ATP8A2: variants seen among roughly 807,000 people sequenced by gnomAD.
The protein encoded by ATP8A2 is ATPase phospholipid transporting 8A2.
ATP8A2 carries 100 observed loss-of-function variants against 165.6 expected under a neutral mutation model. The observed-to-expected ratio is 0.60, with a 90% CI of 0.51 to 0.71. ATP8A2 has a LOEUF of 0.71. ATP8A2 is among the 30% of genes least tolerant of loss of function. The probability of loss-of-function intolerance (pLI) is 0.00; values close to 1 mark genes in which losing one functional copy is unlikely to be tolerated. For missense variants in ATP8A2, 1,227 were observed against 1,479.5 expected, an observed-to-expected ratio of 0.83 and a Z score of 2.80; for synonymous variants, 543 against 548.8, an observed-to-expected ratio of 0.99 and a Z score of 0.15.
intron 2 of ATP8A2, among the ~76,000 whole-genome samples, chr13:25,471,226 T>A (rs1349839862): frequency 6.6e-6 from 1 of 152,232 alleles, no homozygotes. Flanking sequence ...TTTCAAGATG[T>A]ATTTTTGCTT....
chr13:25,830,729 T>C (rs1337112287), intron 28 of ATP8A2, among the ~76,000 whole-genome samples: 1 of 152,238 alleles, frequency 6.6e-6, no homozygotes, highest in African/African-American at 2.4e-5. Flanking sequence ...ACCAATTGCA[T>C]TCTCTTTCTC....
At chr13:25,759,963 C>G (rs1049949969) in intron 25 of ATP8A2, among the ~76,000 whole-genome samples, 2 of 152,168 alleles carry the variant, frequency 1.3e-5, no homozygotes, top group African/African-American at 4.8e-5. Flanking sequence ...ATAAAATTGT[C>G]ACAGACGCAA....
chr13:25,482,340 T>C (rs1289193029), intron 2 of ATP8A2, among the ~76,000 whole-genome samples: 1 of 152,138 alleles, frequency 6.6e-6, no homozygotes, highest in African/African-American at 2.4e-5. Flanking sequence ...AGCATTGCAG[T>C]CCCTCTCTGT....
intron 33 of ATP8A2, among the ~76,000 whole-genome samples, chr13:25,939,058 G>T (rs9511981): frequency 0.17 from 25,231 of 152,036 alleles, 2,475 homozygotes; most frequent in Non-Finnish European, 0.22. Flanking sequence ...GGCCAAGCTG[G>T]TCTTGAACTC....
intron 2 of ATP8A2, among the ~76,000 whole-genome samples, chr13:25,521,500 C>T (rs2037670524): frequency 6.6e-6 from 1 of 152,108 alleles, no homozygotes; most frequent in Non-Finnish European, 1.5e-5. Context: ...TAGTAATTCT[C>T]AGTTTCAGGT....
chr13:25,972,840 C>A (rs1955945694), intron 35 of ATP8A2, among the ~76,000 whole-genome samples: 1 of 151,882 alleles, frequency 6.6e-6, no homozygotes, highest in Admixed American at 6.6e-5. Context: ...CCGATGACGG[C>A]GTGTAAGATG....
At chr13:25,553,196 T>C (rs2038876919) in intron 11 of ATP8A2, among the ~76,000 whole-genome samples, 1 of 142,878 alleles carries the variant, frequency 7.0e-6, no homozygotes, top group African/African-American at 2.6e-5. Flanking sequence ...CCCCTCTCCC[T>C]CCCCCATTCT....
chr13:25,609,928 G>T (rs1444606757), intron 24 of ATP8A2, among the ~76,000 whole-genome samples: 1 of 151,614 alleles, frequency 6.6e-6, no homozygotes, highest in Non-Finnish European at 1.5e-5. Flanking sequence ...TTTGAGAATT[G>T]TCTATCCATG....
intron 28 of ATP8A2, among the ~76,000 whole-genome samples, chr13:25,831,216 CT>C (rs71759758): frequency 1.6e-3 from 211 of 133,436 alleles, no homozygotes; most frequent in African/African-American, 3.5e-3. Context: ...AACTAATTTT[CT>C]TTTTTTTTTT....
intron 25 of ATP8A2, among the ~76,000 whole-genome samples, chr13:25,733,751 G>A (rs1269047224): frequency 6.6e-6 from 1 of 152,096 alleles, no homozygotes; most frequent in Non-Finnish European, 1.5e-5. Context: ...GTCATTCATG[G>A]TCTCAAGAAG....
chr13:25,523,272 CTTT>C (rs71077476), intron 2 of ATP8A2, among the ~76,000 whole-genome samples: 10 of 135,712 alleles, frequency 7.4e-5, no homozygotes, highest in East Asian at 2.1e-4. Flanking sequence ...TTTAGGATAA[CTTT>C]TTTTTTTTTT....
chr13:25,405,160 T>A (rs187412395), intron 1 of ATP8A2, among the ~76,000 whole-genome samples: 7 of 152,112 alleles, frequency 4.6e-5, no homozygotes, highest in African/African-American at 1.7e-4. Context: ...TGAGAGCAGC[T>A]CCCTGGAAGG....
In ATP8A2 at chr13:25,372,156, C is replaced by T. The variant is rs974618447; in HGVS notation, c.-57C>T. 3 of 1,288,100 alleles carry T rather than the reference C, an allele frequency of 2.3e-6. No individual in the cohort carries two copies. Among genetic ancestry groups the T allele is most frequent in the South Asian group, 1.8e-5 (1 of 57,058 alleles). The allele number at this position is 1,288,100 out of a possible 1,614,324, so 79.8% of individuals were successfully genotyped here. A position where few individuals can be genotyped will look rare whatever the true frequency, so the allele number is the denominator to read the frequency against. On this transcript the variant is annotated 5_prime_UTR_variant, in exon 1 of 37. Coordinates refer to ENST00000381655, the MANE Select transcript of ATP8A2 (RefSeq NM_016529.6). This position sits in a 1 kb window ranked among gnomAD's most constrained non-coding sequence, Gnocchi z 4.8. The stretch of plus-strand genomic sequence containing the variant: ...CTCGGGCGGCGGCCCCTGCGCCCAG[C>T]CCTGCGCGTAGCCTCCGTCTCTCGC...
intron 1 of ATP8A2, among the ~76,000 whole-genome samples, chr13:25,456,440 G>A (rs763427949): frequency 7.8e-4 from 119 of 152,322 alleles, no homozygotes; most frequent in Admixed American, 4.9e-3. Flanking sequence ...ACATGGTTAC[G>A]TTGGTCATGT....
At chr13:25,969,858 T>C (rs1350681237) in intron 35 of ATP8A2, among the ~76,000 whole-genome samples, 1 of 152,204 alleles carries the variant, frequency 6.6e-6, no homozygotes, top group Non-Finnish European at 1.5e-5. Flanking sequence ...TGGGGGCTGA[T>C]TTTACCGCAG....
At chr13:25,670,998 T>A (rs2042251033) in intron 24 of ATP8A2, among the ~76,000 whole-genome samples, 1 of 152,178 alleles carries the variant, frequency 6.6e-6, no homozygotes, top group South Asian at 2.1e-4. Context: ...ACAGGTATAG[T>A]GGAGCAGTGT....
chr13:26,018,844 C>T (rs1451423911), intron 36 of ATP8A2, among the ~76,000 whole-genome samples: 2 of 150,260 alleles, frequency 1.3e-5, no homozygotes, highest in East Asian at 3.9e-4. Flanking sequence ...GGAGTATAAT[C>T]CCCTATCTCA....
chr13:25,607,963 T>C (rs565290078), intron 24 of ATP8A2, among the ~76,000 whole-genome samples: 1 of 152,294 alleles, frequency 6.6e-6, no homozygotes, highest in South Asian at 2.1e-4. Context: ...AAATAGTGAG[T>C]TTTCCTCTTA....
chr13:25,544,850 C>T (rs1417508187), intron 10 of ATP8A2, among the ~76,000 whole-genome samples: 2 of 150,766 alleles, frequency 1.3e-5, no homozygotes, highest in African/African-American at 4.9e-5. Context: ...AGAGGTGTGG[C>T]CTGGCTACGG....
Sources: allele counts gnomAD v4.1 joint callset (sites outside exome capture counted in the v4.1 genomes callset), GRCh38; gene constraint gnomAD v4.1.1; non-coding constraint Gnocchi (gnomAD v3.1); transcripts MANE v1.5; gene names NCBI Gene and HGNC (gene_info 2026-07-23, HGNC 2026-07-21).